GCC2: variants seen among roughly 807,000 people sequenced by gnomAD.
GCC2 encodes GRIP and coiled-coil domain containing 2.
Under a neutral mutation model 210.6 loss-of-function variants are expected in GCC2, and 120 were observed. The observed-to-expected ratio is 0.57, with a 90% CI of 0.49 to 0.66. The LOEUF (loss-of-function observed/expected upper bound fraction) is 0.66, where lower values mean the gene tolerates loss of function less well. Ranked by LOEUF, GCC2 falls within the 30% of genes least tolerant of loss-of-function variation. GCC2 has a pLI of 0.00. For missense variants in GCC2, 1,868 were observed against 1,871.9 expected, an observed-to-expected ratio of 1.00 and a Z score of 0.04; for synonymous variants, 703 against 652.7, an observed-to-expected ratio of 1.08 and a Z score of -1.17.
chr2:108,454,969 T>C (rs1201233767), intron 4 of GCC2, among the ~76,000 whole-genome samples: 1 of 95,788 alleles, frequency 1.0e-5, no homozygotes, highest in Non-Finnish European at 2.2e-5. Flanking sequence ...CTCCGCTCAC[T>C]GCAACCTCTA....
Position 108,471,196 on chromosome 2 carries a change from T to C in GCC2, c.1867T>C (p.Leu623=), listed in dbSNP as rs1398374320. ...FHKKCEREER[L]ILELGKKVEQ... ...TAAGAAATGTGAAAGGGAAGAAAGA[T>C]TGATTCTTGAACTTGGGAAGAAAGT... Residue 623 remains leucine (L), a synonymous_variant, in exon 6 of 23, where the codon TTG becomes CTG. Transcript: ENST00000309863. 1 of 1,604,870 alleles carries C rather than the reference T, an allele frequency of 6.2e-7. No homozygotes were observed. The highest frequency in any genetic ancestry group is 1.1e-5 in the South Asian group (1 of 88,712).
intron 4 of GCC2, among the ~76,000 whole-genome samples, chr2:108,459,496 T>G (rs1680439537): frequency 6.6e-6 from 1 of 152,156 alleles, no homozygotes; most frequent in South Asian, 2.1e-4. Context: ...ATCTGTTAGG[T>G]CCATTTGGTC....
chr2:108,486,289 G>C, intron 15 of GCC2: 1 of 545,556 alleles, frequency 1.8e-6, no homozygotes, highest in Non-Finnish European at 3.3e-6. Flanking sequence ...ATGTAGTCTG[G>C]GATTTTCTTT....
At chr2:108,466,784 TC>T (rs1482293985) in intron 4 of GCC2, among the ~76,000 whole-genome samples, 8 of 152,314 alleles carry the variant, frequency 5.3e-5, no homozygotes, top group African/African-American at 1.9e-4. Context: ...GCTTATGGTT[TC>T]TTGAGTTTAA....
intron 21 of GCC2, among the ~76,000 whole-genome samples, chr2:108,499,318 AT>A: frequency 6.6e-6 from 1 of 151,748 alleles, no homozygotes; most frequent in East Asian, 1.9e-4. Context: ...CTTTGAAACT[AT>A]CTCATAGTTG....
Position 108,455,758 on chromosome 2 carries a change from T to C in GCC2, c.216+3292T>C, listed in dbSNP as rs574713513. ...TCCTGGAAATGGCGTGATCTTATTC[T>C]TTTTTATGGGCATATAGTATTCCAT... On this transcript the variant is annotated intron_variant, in intron 4 of 22. Transcript: ENST00000309863. 7.9e-5 allele frequency among the ~76,000 whole-genome samples: 12 copies of C among 152,352 alleles called. No individual in the cohort carries two copies. The South Asian group carries it at 2.5e-3, about 32-fold the overall frequency.
chr2:108,486,378 T>TA, intron 15 of GCC2, 133 bp from the exon 16 acceptor site: 5 of 828,166 alleles, frequency 6.0e-6, no homozygotes, highest in African/African-American at 5.1e-5. Context: ...TAATAATACA[T>TA]AAAAATATTT....
chr2:108,458,374 C>CTTTTTTTTTTTTT (rs70956257), intron 4 of GCC2, among the ~76,000 whole-genome samples: 6 of 100,312 alleles, frequency 6.0e-5, no homozygotes, highest in Middle Eastern at 6.1e-3. Context: ...TTGTTGCTTT[C>CTTTTTTTTTTTTT]TTTTTTTTTT....
intron 4 of GCC2, among the ~76,000 whole-genome samples, chr2:108,461,829 TCTTTTTC>T (rs1184487359): frequency 3.7e-4 from 50 of 136,450 alleles, no homozygotes; most frequent in South Asian, 1.4e-3. Context: ...TTTTTTTTTT[TCTTTTTC>T]TTTTTTTTTT....
intron 4 of GCC2, among the ~76,000 whole-genome samples, chr2:108,462,211 G>T (rs1680626160): frequency 6.8e-6 from 1 of 146,942 alleles, no homozygotes; most frequent in Admixed American, 6.8e-5. Flanking sequence ...AATATTTGGA[G>T]GCCGGGCGCA....
intron 4 of GCC2, among the ~76,000 whole-genome samples, chr2:108,454,022 G>A (rs983967483): frequency 4.6e-5 from 7 of 151,754 alleles, no homozygotes; most frequent in African/African-American, 7.3e-5. Context: ...ACAGAGTCTC[G>A]CCTTGTCGCC....
At chr2:108,476,058 T>C (rs1282289924) in intron 9 of GCC2, among the ~76,000 whole-genome samples, 3 of 90,836 alleles carry the variant, frequency 3.3e-5, no homozygotes, top group Non-Finnish European at 6.6e-5. Context: ...GGCTTGCTTT[T>C]TTTTTTTTTT....
At chr2:108,450,663 C>T (rs542169811) in intron 2 of GCC2, among the ~76,000 whole-genome samples, 1 of 152,342 alleles carries the variant, frequency 6.6e-6, no homozygotes, top group South Asian at 2.1e-4. Flanking sequence ...GGGCAGATCA[C>T]CTGCGGTCAG....
chr2:108,481,806 C>T lies in GCC2; in HGVS notation c.3170C>T (p.Ser1057Leu), dbSNP rs765528847. 19 of 1,559,132 alleles carry T rather than the reference C, an allele frequency of 1.2e-5. No individual in the cohort carries two copies. The highest frequency in any genetic ancestry group is 1.7e-4 in the Middle Eastern group (1 of 5,734). Residue 1057 changes from serine to leucine, a missense_variant, in exon 10 of 23, where the codon TCG becomes TTG. Transcript: ENST00000309863. Reference sequence around the variant, plus strand: ...GACCTTACAAGACAATTAAGAAATTCGACTTTGCAGGTAATTTTTTAATAA... The same window carrying T: ...GACCTTACAAGACAATTAAGAAATTTGACTTTGCAGGTAATTTTTTAATAA... The part of the protein sequence containing the change: ...IEDLTRQLRN[S>L]TLQCETINSD...
At chr2:108,485,497 CAT>C (rs1682094723) in intron 13 of GCC2, 137 bp from the exon 14 acceptor site, 1 of 543,432 alleles carries the variant, frequency 1.8e-6, no homozygotes, top group African/African-American at 1.9e-5. Context: ...ACTACTGTCA[CAT>C]ATGTTTGAAG....
chr2:108,505,460 T>C (rs1309746172), intron 22 of GCC2, among the ~76,000 whole-genome samples: 1 of 152,192 alleles, frequency 6.6e-6, no homozygotes, highest in Non-Finnish European at 1.5e-5. Context: ...TGAGAGCCAG[T>C]AGGCTAACCT....
intron 18 of GCC2, 55 bp from the exon 19 acceptor site, chr2:108,492,518 T>C: frequency 8.6e-7 from 1 of 1,165,420 alleles, no homozygotes. Flanking sequence ...TGAGAAAGGC[T>C]AAGTCAGCAT....
chr2:108,506,235 A>T (rs950439017), intron 22 of GCC2, among the ~76,000 whole-genome samples: 1 of 152,252 alleles, frequency 6.6e-6, no homozygotes, highest in African/African-American at 2.4e-5. Context: ...GTTATCCTTC[A>T]ACTGGCAAAT....
intron 4 of GCC2, among the ~76,000 whole-genome samples, chr2:108,465,735 G>A (rs1410662929): frequency 6.6e-6 from 1 of 152,154 alleles, no homozygotes; most frequent in East Asian, 1.9e-4. Context: ...TTGAATGATA[G>A]ATCTATGTTT....
Sources: allele counts gnomAD v4.1 joint callset (sites outside exome capture counted in the v4.1 genomes callset), GRCh38; gene constraint gnomAD v4.1.1; transcripts MANE v1.5; gene names NCBI Gene and HGNC (gene_info 2026-07-23, HGNC 2026-07-21).